Variants in MIR2052HG observed in about 807,000 individuals in gnomAD.
MIR2052HG encodes the protein MIR2052 host gene.
At chr8:74,634,579 C>G (rs1808558028) in intron 2 of MIR2052HG, among the ~76,000 whole-genome samples, 1 of 151,992 alleles carries the variant, frequency 6.6e-6, no homozygotes, top group Non-Finnish European at 1.5e-5. Flanking sequence ...AATATTTACT[C>G]AGTGCTTAAT....
chr8:74,659,497 A>G (rs760076381), intron 2 of MIR2052HG, among the ~76,000 whole-genome samples: 16 of 152,146 alleles, frequency 1.1e-4, no homozygotes, highest in Admixed American at 9.2e-4. Flanking sequence ...CTGGAGGGCA[A>G]TAATATAATC....
At position 74,743,248 on chromosome 8, in the gene MIR2052HG, C is replaced by T. The variant is rs181978205; in HGVS notation, n.372-9193C>T. On this transcript the variant is annotated intron_variant and non_coding_transcript_variant, in intron 4 of 6. Transcript: ENST00000523442. Reference sequence around the variant, plus strand: ...ATAAAATTAAAAGACAGGAAAATCCCCAGGTGTTATAAGAAAATAAACATA... The same window carrying T: ...ATAAAATTAAAAGACAGGAAAATCCTCAGGTGTTATAAGAAAATAAACATA... 6.0e-3 allele frequency among the ~76,000 whole-genome samples: 915 copies of T among 151,824 alleles called. 33 individuals carry two copies. Among genetic ancestry groups the T allele is most frequent in the Admixed American group, 0.055 (837 of 15,224 alleles).
At chr8:74,621,445 T>A (rs1808360207) in intron 2 of MIR2052HG, among the ~76,000 whole-genome samples, 1 of 152,044 alleles carries the variant, frequency 6.6e-6, no homozygotes, top group Non-Finnish European at 1.5e-5. Flanking sequence ...AGGAAAGAGG[T>A]TTAATAGACT....
chr8:74,691,405 C>T (rs939262953), intron 2 of MIR2052HG, among the ~76,000 whole-genome samples: 1 of 152,176 alleles, frequency 6.6e-6, no homozygotes, highest in Admixed American at 6.5e-5. Flanking sequence ...GCTAGGAAGA[C>T]CTTTCAGAGG....
intron 4 of MIR2052HG, among the ~76,000 whole-genome samples, chr8:74,749,499 A>G (rs886420393): frequency 3.9e-5 from 6 of 152,222 alleles, no homozygotes; most frequent in Admixed American, 3.3e-4. Context: ...CTGCTAAACT[A>G]GTGAAAACGT....
chr8:74,623,751 C>A (rs1216982673), intron 2 of MIR2052HG, among the ~76,000 whole-genome samples: 2 of 152,096 alleles, frequency 1.3e-5, no homozygotes, highest in African/African-American at 4.8e-5. Flanking sequence ...CAAACTGGGT[C>A]TGTGATTCAT....
At chr8:74,703,070 G>T (rs555782694) in intron 3 of MIR2052HG, among the ~76,000 whole-genome samples, 1 of 152,168 alleles carries the variant, frequency 6.6e-6, no homozygotes, top group South Asian at 2.1e-4. Context: ...AAAGATCCTA[G>T]AGTAGCAGAA....
At chr8:74,699,992 C>T (rs544431197) in intron 2 of MIR2052HG, among the ~76,000 whole-genome samples, 3 of 152,272 alleles carry the variant, frequency 2.0e-5, no homozygotes, top group African/African-American at 7.2e-5. Context: ...TAAGTGCTAA[C>T]CCGTTTATCA....
Position 74,671,845 on chromosome 8 carries a change from C to T in MIR2052HG, n.217-30534C>T, listed in dbSNP as rs186391738. ...TTTTCTTGCTCAAAGATTCAATCTC[C>T]ATTAACAGAAACCCACTAAGAGGAG... On this transcript the variant is annotated intron_variant and non_coding_transcript_variant, in intron 2 of 6. Coordinates refer to ENST00000523442, the Ensembl canonical transcript of MIR2052HG. Among the ~76,000 whole-genome samples, 1,165 of 152,176 alleles carry T rather than the reference C, an allele frequency of 7.7e-3. 13 individuals are homozygous for T. Among genetic ancestry groups the T allele is most frequent in the Non-Finnish European group, 0.011 (737 of 67,976 alleles).
chr8:74,618,942 A>G (rs994962393), intron 2 of MIR2052HG, among the ~76,000 whole-genome samples: 2 of 152,198 alleles, frequency 1.3e-5, no homozygotes, highest in African/African-American at 4.8e-5. Flanking sequence ...GAAATTCAGT[A>G]AAGTTTCATT....
At chr8:74,640,580 A>G (rs1400179798) in intron 2 of MIR2052HG, among the ~76,000 whole-genome samples, 1 of 152,124 alleles carries the variant, frequency 6.6e-6, no homozygotes, top group African/African-American at 2.4e-5. Context: ...GCTTTCTGGA[A>G]GAGGTTATAC....
chr8:74,727,948 C>A (rs1447688400), intron 4 of MIR2052HG, among the ~76,000 whole-genome samples: 1 of 150,712 alleles, frequency 6.6e-6, no homozygotes, highest in Non-Finnish European at 1.5e-5. Flanking sequence ...GATGAACTTT[C>A]TCACAGTCAT....
At chr8:74,697,141 G>T (rs1484686945) in intron 2 of MIR2052HG, among the ~76,000 whole-genome samples, 1 of 152,078 alleles carries the variant, frequency 6.6e-6, no homozygotes, top group Non-Finnish European at 1.5e-5. Flanking sequence ...GATCAAGTGG[G>T]TTTCATACCA....
At chr8:74,635,333 G>T (rs1808570078) in intron 2 of MIR2052HG, among the ~76,000 whole-genome samples, 1 of 151,846 alleles carries the variant, frequency 6.6e-6, no homozygotes, top group Non-Finnish European at 1.5e-5. Flanking sequence ...AGTTTGTCAG[G>T]TGTCTAGGAG....
intron 2 of MIR2052HG, among the ~76,000 whole-genome samples, chr8:74,657,089 C>T (rs1291226277): frequency 3.3e-5 from 5 of 152,200 alleles, no homozygotes; most frequent in Non-Finnish European, 4.4e-5. Flanking sequence ...CTGCAGCATA[C>T]AGGGAGAGTA....
At chr8:74,609,793 A>G (rs1303008388) in intron 1 of MIR2052HG, 1 of 150,650 alleles carries the variant, frequency 6.6e-6, no homozygotes, top group Non-Finnish European at 1.5e-5. Flanking sequence ...AGCTAGGACT[A>G]AAAAGAGAGT....
intron 2 of MIR2052HG, among the ~76,000 whole-genome samples, chr8:74,622,284 G>T (rs1323244558): frequency 6.6e-6 from 1 of 152,128 alleles, no homozygotes; most frequent in Admixed American, 6.5e-5. Flanking sequence ...GAAACAACAG[G>T]TATATAAATG....
At chr8:74,692,668 A>G (rs1809251260) in intron 2 of MIR2052HG, among the ~76,000 whole-genome samples, 1 of 152,192 alleles carries the variant, frequency 6.6e-6, no homozygotes, top group Non-Finnish European at 1.5e-5. Context: ...TTTCCAATTT[A>G]TACTTCAAAG....
At chr8:74,686,089 C>T (rs1198071165) in intron 2 of MIR2052HG, among the ~76,000 whole-genome samples, 2 of 150,328 alleles carry the variant, frequency 1.3e-5, no homozygotes, top group Non-Finnish European at 2.9e-5. Flanking sequence ...GAAATTAAAT[C>T]TCTGGAGATT....
Sources: gnomAD v4.1 joint callset for allele counts (sites outside exome capture counted in the v4.1 genomes callset) on GRCh38, gnomAD v4.1.1 for gene constraint, MANE v1.5 for transcripts, NCBI Gene and HGNC (gene_info 2026-07-23, HGNC 2026-07-21) for gene names.